RMDN2: variants seen among roughly 807,000 people sequenced by gnomAD.
The protein encoded by RMDN2 is regulator of microtubule dynamics 2, also known as regulator of microtubule dynamics protein 2.
A neutral mutation model predicts 52.8 loss-of-function variants in RMDN2; 61 were observed. The ratio of observed to expected loss-of-function variants is 1.16; its 90% CI spans 0.94 to 1.43. The LOEUF is 1.43. Ranked by LOEUF, RMDN2 falls within the 40% of genes most tolerant of loss-of-function variation. The pLI, the probability that RMDN2 is intolerant of heterozygous loss-of-function variation, is 0.00. For missense variants in RMDN2, 592 were observed against 475.3 expected (o/e 1.25, Z -2.28); for synonymous variants, 180 against 153.1 (o/e 1.18, Z -1.30).
At chr2:38,029,156 A>AGTCTG (rs1410216729) in intron 10 of RMDN2, among the ~76,000 whole-genome samples, 2 of 152,102 alleles carry the variant, frequency 1.3e-5, no homozygotes, top group Non-Finnish European at 1.5e-5. Context: ...GCTCCCACCC[A>AGTCTG]GTCTGCCTTT....
At chr2:38,013,439 C>T (rs1402187533) in intron 10 of RMDN2, among the ~76,000 whole-genome samples, 1 of 152,096 alleles carries the variant, frequency 6.6e-6, no homozygotes, top group African/African-American at 2.4e-5. Context: ...AGAAACAAAC[C>T]ACAAAAAGAA....
At chr2:37,977,858 C>G (rs1447663567) in intron 4 of RMDN2, among the ~76,000 whole-genome samples, 2 of 150,816 alleles carry the variant, frequency 1.3e-5, no homozygotes, top group African/African-American at 4.9e-5. Flanking sequence ...GGCAGAGGGG[C>G]TCCTCACATC....
chr2:37,947,840 T>G (rs1471127266), intron 2 of RMDN2, among the ~76,000 whole-genome samples: 1 of 152,178 alleles, frequency 6.6e-6, no homozygotes, highest in Non-Finnish European at 1.5e-5. Flanking sequence ...TTGGGGCATG[T>G]TCTTTGTGTT....
intron 10 of RMDN2, among the ~76,000 whole-genome samples, chr2:38,010,326 A>G (rs1677780633): frequency 6.6e-6 from 1 of 152,226 alleles, no homozygotes; most frequent in South Asian, 2.1e-4. Context: ...CTACAGAGGC[A>G]GGCAGGCCTC....
rs774103432 is a variant in RMDN2 at position 37,981,352 on chromosome 2, A to ACC, written c.791+9_791+10insCC. The ACC allele has an allele frequency of 1.2e-5, 19 of 1,577,708 alleles. No individual in the cohort carries two copies. In the South Asian group the frequency reaches 2.1e-4, roughly 17 times the overall value. Reference sequence around the variant, plus strand: ...GGACATTGTCATCTGTGGTAAGTGTATAGGATTTATGCAGTCTTTTAAATT... The same window carrying ACC: ...GGACATTGTCATCTGTGGTAAGTGTACCTAGGATTTATGCAGTCTTTTAAATT... On this transcript the variant is annotated intron_variant, in intron 5 of 10. Transcript: ENST00000354545.
chr2:37,932,886 C>T (rs1173116370), intron 2 of RMDN2, among the ~76,000 whole-genome samples: 3 of 148,394 alleles, frequency 2.0e-5, no homozygotes, highest in African/African-American at 5.0e-5. Context: ...ACCTCCCTCC[C>T]GGACGGGGCG....
intron 5 of RMDN2, among the ~76,000 whole-genome samples, chr2:37,986,849 C>T (rs1201807962): frequency 6.6e-6 from 1 of 151,890 alleles, no homozygotes; most frequent in Non-Finnish European, 1.5e-5. Flanking sequence ...TTACAGGAAA[C>T]ATACAGCTAA....
At chr2:37,979,933 C>A (rs562110494) in intron 4 of RMDN2, among the ~76,000 whole-genome samples, 1 of 152,214 alleles carries the variant, frequency 6.6e-6, no homozygotes, top group African/African-American at 2.4e-5. Context: ...AATATTTGTT[C>A]ACACTGCAGT....
At chr2:37,964,055 G>C (rs1225223898) in intron 2 of RMDN2, among the ~76,000 whole-genome samples, 1 of 150,568 alleles carries the variant, frequency 6.6e-6, no homozygotes, top group African/African-American at 2.4e-5. Context: ...CCTCCCTCCC[G>C]GACGTGGCGG....
chr2:37,935,204 A>G (rs1430822500), intron 2 of RMDN2, among the ~76,000 whole-genome samples: 1 of 152,260 alleles, frequency 6.6e-6, no homozygotes, highest in East Asian at 1.9e-4. Context: ...TGTCAGGCAT[A>G]GTATATATTG....
At chr2:37,931,015 G>A (rs1315474719) in intron 2 of RMDN2, among the ~76,000 whole-genome samples, 4 of 25,710 alleles carry the variant, frequency 1.6e-4, no homozygotes. Context: ...CCACCCACCC[G>A]CCGACTAGGT....
intron 10 of RMDN2, among the ~76,000 whole-genome samples, chr2:38,012,824 A>C (rs545204867): frequency 6.6e-6 from 1 of 152,356 alleles, no homozygotes; most frequent in South Asian, 2.1e-4. Context: ...TAGTTACAAG[A>C]GGACAACCTA....
chr2:38,044,331 C>A (rs989001142), intron 10 of RMDN2, among the ~76,000 whole-genome samples: 2 of 151,934 alleles, frequency 1.3e-5, no homozygotes, highest in African/African-American at 4.8e-5. Flanking sequence ...TTGGTTTTCT[C>A]CAGTTTGAAT....
chr2:38,039,087 C>CAGAG (rs1205842525), intron 10 of RMDN2, among the ~76,000 whole-genome samples: 27 of 113,736 alleles, frequency 2.4e-4, no homozygotes, highest in African/African-American at 1.0e-3. Flanking sequence ...CACACACACA[C>CAGAG]ACACACAGAG....
intron 10 of RMDN2, among the ~76,000 whole-genome samples, chr2:38,040,596 C>A (rs549151006): frequency 1.3e-5 from 2 of 152,180 alleles, no homozygotes; most frequent in African/African-American, 4.8e-5. Flanking sequence ...TTATAAATTA[C>A]GAGTCTAAGG....
At chr2:37,955,595 G>T (rs763890571) in intron 2 of RMDN2, among the ~76,000 whole-genome samples, 15 of 152,028 alleles carry the variant, frequency 9.9e-5, no homozygotes, top group Non-Finnish European at 2.2e-4. Flanking sequence ...AATCATGGGG[G>T]CCGATCTTTC....
intron 10 of RMDN2, among the ~76,000 whole-genome samples, chr2:38,026,628 G>T (rs1199128937): frequency 1.3e-5 from 2 of 151,560 alleles, no homozygotes; most frequent in Non-Finnish European, 2.9e-5. Context: ...TATACTTTAA[G>T]TTCTGGGATA....
chr2:37,951,920 T>G (rs1371200669), intron 2 of RMDN2: 1 of 1,613,464 alleles, frequency 6.2e-7, no homozygotes, highest in Non-Finnish European at 8.5e-7. Context: ...CCAATGATAT[T>G]CAACAAAGGG....
At chr2:37,982,544 T>C (rs895035024) in intron 5 of RMDN2, among the ~76,000 whole-genome samples, 2 of 152,146 alleles carry the variant, frequency 1.3e-5, no homozygotes, top group Admixed American at 6.5e-5. Context: ...TTATTTTCCT[T>C]ATCTTACGTA....
Sources: allele counts gnomAD v4.1 joint callset (sites outside exome capture counted in the v4.1 genomes callset), GRCh38; gene constraint gnomAD v4.1.1; transcripts MANE v1.5; gene names NCBI Gene and HGNC (gene_info 2026-07-23, HGNC 2026-07-21).